The following RANBP2 variants were observed in gnomAD, a reference collection of about 807,000 sequenced individuals.
RANBP2 encodes E3 SUMO-protein ligase RanBP2.
A neutral mutation model predicts 303.6 loss-of-function variants in RANBP2; 57 were observed. The ratio of observed to expected loss-of-function variants is 0.19; its 90% CI spans 0.15 to 0.23. The LOEUF (loss-of-function observed/expected upper bound fraction) is 0.23. RANBP2 is among the 10% of genes least tolerant of loss of function. RANBP2 has a pLI of 1.00. For synonymous variants in RANBP2, 1,167 were observed against 1,301.5 expected, an observed-to-expected ratio of 0.90 and a Z score of 2.23; for missense variants, 3,138 against 3,780.8, an observed-to-expected ratio of 0.83 and a Z score of 4.46.
At chr2:109,449,739 G>A in the RANBP2 span, among the ~76,000 whole-genome samples, 1 of 152,174 alleles carries the variant, frequency 6.6e-6, no homozygotes, top group Non-Finnish European at 1.5e-5. Context: ...ATGCAAATCA[G>A]AAAAAGGTGT....
At chr2:108,846,289 G>C in the RANBP2 span, among the ~76,000 whole-genome samples, 1 of 152,172 alleles carries the variant, frequency 6.6e-6, no homozygotes, top group South Asian at 2.1e-4. Context: ...TTTTTAAGTT[G>C]ATAAAATTGT....
chr2:109,054,783 G>A, the RANBP2 span, among the ~76,000 whole-genome samples: 2 of 151,830 alleles, frequency 1.3e-5, no homozygotes, highest in African/African-American at 4.8e-5. Context: ...AAGACGTGGA[G>A]CGTTCCCATC....
At position 108,730,903 on chromosome 2, in the gene RANBP2, A is replaced by G. The variant is rs1458625529; in HGVS notation, c.252+18A>G. 2 of 1,611,480 alleles carry G rather than the reference A, an allele frequency of 1.2e-6. No individual in the cohort carries two copies. The highest frequency in any genetic ancestry group is 2.2e-5 in the East Asian group (1 of 44,796). On this transcript the variant is annotated intron_variant, in intron 3 of 28. Coordinates refer to ENST00000283195, the MANE Select transcript of RANBP2 (RefSeq NM_006267.5). ...GTTACAGGGTAAGTTACAGGATTCAAATATAGCCTTTGCATAGCCAAACAC... is the reference window on the plus strand; with the variant it reads ...GTTACAGGGTAAGTTACAGGATTCAGATATAGCCTTTGCATAGCCAAACAC...
chr2:109,799,293 C>G, the RANBP2 span, among the ~76,000 whole-genome samples: 1 of 119,416 alleles, frequency 8.4e-6, no homozygotes, highest in East Asian at 2.4e-4. Context: ...TATGTGCTGT[C>G]CTGACTGTTG....
chr2:109,654,345 A>G, the RANBP2 span, among the ~76,000 whole-genome samples: 1 of 151,842 alleles, frequency 6.6e-6, no homozygotes, highest in East Asian at 1.9e-4. Flanking sequence ...TGATATAGAA[A>G]TAAAAAATGT....
the RANBP2 span, among the ~76,000 whole-genome samples, chr2:109,627,543 A>G: frequency 7.2e-5 from 11 of 152,250 alleles, no homozygotes; most frequent in African/African-American, 2.7e-4. Context: ...AGGAAAGCAC[A>G]TACATTCTGT....
chr2:109,143,734 A>G, the RANBP2 span, among the ~76,000 whole-genome samples: 1 of 150,696 alleles, frequency 6.6e-6, no homozygotes, highest in Non-Finnish European at 1.5e-5. Flanking sequence ...AGCCTGGGCA[A>G]CAGAGTGACA....
the RANBP2 span, among the ~76,000 whole-genome samples, chr2:109,528,206 T>C: frequency 6.6e-6 from 1 of 152,164 alleles, no homozygotes; most frequent in African/African-American, 2.4e-5. Context: ...AGGTAAAGTT[T>C]CAGCTAAGTG....
chr2:108,793,005 A>G, the RANBP2 span, among the ~76,000 whole-genome samples: 2 of 151,554 alleles, frequency 1.3e-5, no homozygotes, highest in East Asian at 1.9e-4. Context: ...CGGAGGTTGC[A>G]GTGAGCTGAG....
the RANBP2 span, chr2:109,585,734 A>T: frequency 1.2e-6 from 2 of 1,612,344 alleles, no homozygotes; most frequent in African/African-American, 2.7e-5. Context: ...CACAGAGAAT[A>T]TTAAAGCAGA....
chr2:109,368,720 A>G, the RANBP2 span, among the ~76,000 whole-genome samples: 1 of 149,762 alleles, frequency 6.7e-6, no homozygotes, highest in Non-Finnish European at 1.5e-5. Flanking sequence ...AAAAAAAAAA[A>G]AAAGAAAAAG....
the RANBP2 span, among the ~76,000 whole-genome samples, chr2:109,709,670 G>T: frequency 6.6e-6 from 1 of 152,270 alleles, no homozygotes. Context: ...CAAGGGAAGG[G>T]CTCATAAAAG....
chr2:108,926,588 C>T, the RANBP2 span, among the ~76,000 whole-genome samples: 1 of 152,206 alleles, frequency 6.6e-6, no homozygotes, highest in Non-Finnish European at 1.5e-5. Flanking sequence ...TGGTGGAGCT[C>T]CTCCGGGGTG....
the RANBP2 span, among the ~76,000 whole-genome samples, chr2:108,990,280 A>G: frequency 1.8e-4 from 28 of 151,562 alleles, no homozygotes; most frequent in Non-Finnish European, 3.7e-4. Context: ...AAATACAAAA[A>G]ATTAGCCGGG....
At chr2:109,415,471 G>C in the RANBP2 span, among the ~76,000 whole-genome samples, 1 of 152,170 alleles carries the variant, frequency 6.6e-6, no homozygotes, top group Non-Finnish European at 1.5e-5. Context: ...GGGTGCTACA[G>C]TCGCGGCTGC....
chr2:108,993,421 A>G, the RANBP2 span, among the ~76,000 whole-genome samples: 1 of 152,216 alleles, frequency 6.6e-6, no homozygotes, highest in East Asian at 1.9e-4. Flanking sequence ...TATGGATTCT[A>G]TTCCAAGTAT....
At chr2:109,156,523 G>A in the RANBP2 span, among the ~76,000 whole-genome samples, 1 of 151,796 alleles carries the variant, frequency 6.6e-6, no homozygotes, top group Non-Finnish European at 1.5e-5. Context: ...TTGGCTCACT[G>A]CAGCCTTTAC....
chr2:109,003,259 T>G, the RANBP2 span, among the ~76,000 whole-genome samples: 1 of 151,292 alleles, frequency 6.6e-6, no homozygotes, highest in African/African-American at 2.4e-5. Flanking sequence ...TGCACTTTTC[T>G]GTCTTCTTCA....
At chr2:109,001,739 T>G in the RANBP2 span, among the ~76,000 whole-genome samples, 2 of 152,202 alleles carry the variant, frequency 1.3e-5, no homozygotes, top group East Asian at 3.9e-4. Context: ...TTTGTTTGTT[T>G]GTTTGTTTTT....
Sources: allele counts gnomAD v4.1 joint callset (sites outside exome capture counted in the v4.1 genomes callset), GRCh38; gene constraint gnomAD v4.1.1; transcripts MANE v1.5; gene names NCBI Gene and HGNC (gene_info 2026-07-23, HGNC 2026-07-21).